The following TRPM3 variants were observed in gnomAD, a reference collection of about 807,000 sequenced individuals.
TRPM3 encodes transient receptor potential cation channel subfamily M member 3, also known as long transient receptor potential channel 3.
In TRPM3, 77 loss-of-function variants were observed where a neutral mutation model predicts 181.2. That is an observed-to-expected ratio of 0.42 (90% CI 0.35 to 0.51). The LOEUF (loss-of-function observed/expected upper bound fraction) is 0.51. Among genes scored for constraint, TRPM3 ranks in the 20% least tolerant of loss-of-function variants. The pLI is 0.01. For missense variants in TRPM3, 1,759 were observed against 2,196.7 expected (o/e 0.80, Z 3.98); for synonymous variants, 745 against 796.4 (o/e 0.94, Z 1.09).
rs2041205156 is a variant in TRPM3 at position 70,533,679 on chromosome 9, T to G, written c.*2274A>C. The G allele has an allele frequency of 6.6e-6, 1 of 152,136 alleles. No individual in the cohort carries two copies. Among genetic ancestry groups the G allele is most frequent in the Non-Finnish European group, 1.5e-5 (1 of 68,010 alleles). 9.4% of individuals were successfully genotyped at this position (152,136 alleles called of 1,614,324 possible). The stretch of plus-strand genomic sequence containing the variant: ...TCAAGGAAGTTTAAGAACGACTGAT[T>G]TATTCTCAGACCCAGTGCATGTTTG... On this transcript the variant is annotated 3_prime_UTR_variant, in exon 26 of 26. Coordinates refer to ENST00000677713, the MANE Select transcript of TRPM3 (RefSeq NM_001366145.2).
At chr9:71,005,651 T>TCAAC (rs2097665545) in intron 1 of TRPM3, among the ~76,000 whole-genome samples, 1 of 151,906 alleles carries the variant, frequency 6.6e-6, no homozygotes. Flanking sequence ...AAAAAAACTG[T>TCAAC]CAACCAAAAA....
chr9:70,896,583 C>G (rs1050747221), intron 1 of TRPM3, among the ~76,000 whole-genome samples: 1 of 152,076 alleles, frequency 6.6e-6, no homozygotes, highest in African/African-American at 2.4e-5. Flanking sequence ...AAAAAAAGGA[C>G]TAGTCAATTT....
intron 1 of TRPM3, among the ~76,000 whole-genome samples, chr9:70,947,479 C>CT (rs145614164): frequency 0.032 from 4,837 of 152,104 alleles, 100 homozygotes; most frequent in Middle Eastern, 0.048. Flanking sequence ...TTTGTATTCA[C>CT]TTTTTTTTCC....
chr9:70,552,363 C>T (rs754288011), intron 24 of TRPM3, among the ~76,000 whole-genome samples: 107 of 152,116 alleles, frequency 7.0e-4, no homozygotes, highest in Non-Finnish European at 1.4e-3. Flanking sequence ...TTTTGTCCTC[C>T]GAGTAACAGA....
chr9:71,360,984 T>C (rs2092119489), intron 1 of TRPM3, among the ~76,000 whole-genome samples: 1 of 152,194 alleles, frequency 6.6e-6, no homozygotes, highest in African/African-American at 2.4e-5. Context: ...TTTGTAACAA[T>C]TTTAAATTTT....
At chr9:70,790,182 G>A (rs549009400) in intron 6 of TRPM3, among the ~76,000 whole-genome samples, 18 of 152,158 alleles carry the variant, frequency 1.2e-4, no homozygotes, top group Non-Finnish European at 1.6e-4. Context: ...TCTAAAGTGC[G>A]TATGGGTCTG....
chr9:71,039,979 A>T (rs1331109121), intron 1 of TRPM3, among the ~76,000 whole-genome samples: 2 of 152,200 alleles, frequency 1.3e-5, no homozygotes, highest in Non-Finnish European at 2.9e-5. Flanking sequence ...AATAGTTTTT[A>T]AAAACTAAAC....
chr9:70,665,786 G>A (rs1271320105), intron 9 of TRPM3, among the ~76,000 whole-genome samples: 1 of 152,168 alleles, frequency 6.6e-6, no homozygotes, highest in Non-Finnish European at 1.5e-5. Context: ...TTGAGCAGGA[G>A]TCTATGGAAA....
At chr9:70,695,989 A>G (rs905488053) in intron 8 of TRPM3, among the ~76,000 whole-genome samples, 4 of 152,206 alleles carry the variant, frequency 2.6e-5, no homozygotes, top group Admixed American at 6.5e-5. Context: ...AAGGGCAGGT[A>G]CAGCTACTAA....
At chr9:71,146,095 C>G (rs1445231272) in intron 1 of TRPM3, among the ~76,000 whole-genome samples, 5 of 152,108 alleles carry the variant, frequency 3.3e-5, no homozygotes, top group Non-Finnish European at 7.4e-5. Context: ...GAATAACAAA[C>G]ACATATTATC....
intron 5 of TRPM3, among the ~76,000 whole-genome samples, chr9:70,834,896 T>C (rs1449099109): frequency 1.3e-5 from 2 of 152,178 alleles, no homozygotes; most frequent in Non-Finnish European, 2.9e-5. Flanking sequence ...ATAGTTTGAG[T>C]GCTTGTCTCC....
At chr9:71,312,676 C>T (rs1220162577) in intron 1 of TRPM3, among the ~76,000 whole-genome samples, 1 of 152,100 alleles carries the variant, frequency 6.6e-6, no homozygotes, top group East Asian at 1.9e-4. Context: ...AGATAAATGG[C>T]TAAACTGTGG....
At chr9:71,358,651 A>G (rs2092010444) in intron 1 of TRPM3, among the ~76,000 whole-genome samples, 1 of 152,222 alleles carries the variant, frequency 6.6e-6, no homozygotes, top group South Asian at 2.1e-4. Flanking sequence ...GAAAGTAAAG[A>G]AAGAACAGAA....
intron 1 of TRPM3, among the ~76,000 whole-genome samples, chr9:71,345,354 T>C (rs1041349358): frequency 1.3e-5 from 2 of 152,090 alleles, no homozygotes; most frequent in Admixed American, 6.6e-5. Flanking sequence ...TTCCCATCGA[T>C]GATAGACTGG....
At chr9:71,418,619 TAATC>T (rs1192909014) in intron 1 of TRPM3, among the ~76,000 whole-genome samples, 3 of 151,500 alleles carry the variant, frequency 2.0e-5, no homozygotes. Flanking sequence ...AGTCAGGAAA[TAATC>T]AATCATCACT....
chr9:70,745,850 T>A (rs2075064559), intron 8 of TRPM3, among the ~76,000 whole-genome samples: 1 of 152,158 alleles, frequency 6.6e-6, no homozygotes, highest in African/African-American at 2.4e-5. Context: ...AACCTGAAGA[T>A]GAAATCGAAA....
intron 22 of TRPM3, among the ~76,000 whole-genome samples, chr9:70,576,049 G>GT (rs1293264270): frequency 6.6e-6 from 1 of 152,148 alleles, no homozygotes; most frequent in Non-Finnish European, 1.5e-5. Context: ...TGTCTCATTT[G>GT]TATTACCAGG....
At chr9:71,372,119 C>T (rs1261147143) in intron 1 of TRPM3, among the ~76,000 whole-genome samples, 1 of 152,124 alleles carries the variant, frequency 6.6e-6, no homozygotes, top group Non-Finnish European at 1.5e-5. Context: ...AGAATAATGG[C>T]TTCCAACTCC....
intron 1 of TRPM3, among the ~76,000 whole-genome samples, chr9:71,315,801 T>C (rs1222100417): frequency 6.6e-6 from 1 of 152,194 alleles, no homozygotes; most frequent in African/African-American, 2.4e-5. Flanking sequence ...CTTTTTATTT[T>C]GCAAATTTAA....
Sources: gnomAD v4.1 joint callset for allele counts (sites outside exome capture counted in the v4.1 genomes callset) on GRCh38, gnomAD v4.1.1 for gene constraint, MANE v1.5 for transcripts, NCBI Gene and HGNC (gene_info 2026-07-23, HGNC 2026-07-21) for gene names.